Variants in CALCR observed in about 807,000 individuals in gnomAD.
The protein encoded by CALCR is calcitonin receptor.
Under a neutral mutation model 59.5 loss-of-function variants are expected in CALCR, and 47 were observed. That is an observed-to-expected ratio of 0.79 (90% CI 0.63 to 1.01). CALCR has a LOEUF of 1.01. Ranked by LOEUF, CALCR falls within the 50% of genes least tolerant of loss-of-function variation. CALCR has a pLI of 0.00. For missense variants in CALCR, 566 were observed against 597.1 expected, an observed-to-expected ratio of 0.95 and a Z score of 0.54; for synonymous variants, 213 against 211.3, an observed-to-expected ratio of 1.01 and a Z score of -0.07.
At chr7:93,571,693 A>T (rs1359953499) in intron 2 of CALCR, among the ~76,000 whole-genome samples, 4 of 152,210 alleles carry the variant, frequency 2.6e-5, no homozygotes, top group Non-Finnish European at 4.4e-5. Context: ...GAACTTAAAA[A>T]GACCTGGGTT....
chr7:93,548,382 A>G (rs1789350657), intron 2 of CALCR, among the ~76,000 whole-genome samples: 2 of 152,186 alleles, frequency 1.3e-5, no homozygotes, highest in Non-Finnish European at 2.9e-5. Flanking sequence ...TTTCAACAAC[A>G]TTGTAGGAGG....
At chr7:93,472,025 C>T (rs1800562749) in intron 6 of CALCR, among the ~76,000 whole-genome samples, 1 of 151,770 alleles carries the variant, frequency 6.6e-6, no homozygotes, top group Non-Finnish European at 1.5e-5. Context: ...TTTTGAAACT[C>T]TTCCAGGAAA....
At chr7:93,503,207 T>C (rs1023025696) in intron 2 of CALCR, among the ~76,000 whole-genome samples, 1 of 152,106 alleles carries the variant, frequency 6.6e-6, no homozygotes, top group Non-Finnish European at 1.5e-5. Flanking sequence ...TGACCAGGGC[T>C]GATGGAGCAA....
intron 2 of CALCR, among the ~76,000 whole-genome samples, chr7:93,545,389 A>G (rs1789258595): frequency 1.3e-5 from 2 of 152,266 alleles, no homozygotes; most frequent in South Asian, 2.1e-4. Context: ...CTAGATAGAC[A>G]GGCTCAAACA....
chr7:93,454,370 T>C (rs547632737), intron 8 of CALCR, among the ~76,000 whole-genome samples: 1 of 152,178 alleles, frequency 6.6e-6, no homozygotes, highest in Admixed American at 6.6e-5. Context: ...ACTTTACTTA[T>C]ATAAGAGGCT....
At chr7:93,491,518 T>C (rs1052905075) in intron 2 of CALCR, among the ~76,000 whole-genome samples, 2 of 151,774 alleles carry the variant, frequency 1.3e-5, no homozygotes, top group African/African-American at 4.8e-5. Flanking sequence ...CTGACAAAGG[T>C]CTAATATCCA....
intron 2 of CALCR, among the ~76,000 whole-genome samples, chr7:93,567,690 TCCCTCC>T (rs1331731542): frequency 6.6e-6 from 1 of 152,048 alleles, no homozygotes; most frequent in Non-Finnish European, 1.5e-5. Flanking sequence ...TCTGATGCTA[TCCCTCC>T]CCCAGCCCCC....
chr7:93,539,160 A>G (rs1789066604), intron 2 of CALCR, among the ~76,000 whole-genome samples: 1 of 152,120 alleles, frequency 6.6e-6, no homozygotes, highest in African/African-American at 2.4e-5. Context: ...AAAGTCCATT[A>G]AAATCCCTGG....
intron 2 of CALCR, among the ~76,000 whole-genome samples, chr7:93,521,567 T>G (rs1324647102): frequency 1.3e-5 from 2 of 152,160 alleles, no homozygotes; most frequent in African/African-American, 4.8e-5. Context: ...ATTACAGAGC[T>G]ATAAGATCCC....
At chr7:93,483,531 T>C (rs1180808895) in intron 3 of CALCR, among the ~76,000 whole-genome samples, 7 of 147,694 alleles carry the variant, frequency 4.7e-5, no homozygotes, top group Non-Finnish European at 1.0e-4. Flanking sequence ...TATATATAAT[T>C]ACAATCATGG....
intron 9 of CALCR, among the ~76,000 whole-genome samples, chr7:93,443,165 A>T (rs1799944966): frequency 6.6e-6 from 1 of 152,158 alleles, no homozygotes; most frequent in Non-Finnish European, 1.5e-5. Context: ...AGGAATCCTG[A>T]TGATGGATTG....
At chr7:93,490,342 A>G (rs1365551339) in intron 2 of CALCR, among the ~76,000 whole-genome samples, 1 of 151,798 alleles carries the variant, frequency 6.6e-6, no homozygotes, top group African/African-American at 2.4e-5. Flanking sequence ...GAAAACCAGC[A>G]TAGACAAGAA....
At chr7:93,463,893 T>A (rs1350724472) in intron 7 of CALCR, among the ~76,000 whole-genome samples, 1 of 151,964 alleles carries the variant, frequency 6.6e-6, no homozygotes, top group Non-Finnish European at 1.5e-5. Flanking sequence ...GGACAGAACA[T>A]TGCTTATTAT....
chr7:93,526,046 A>G (rs1026173849), intron 2 of CALCR, among the ~76,000 whole-genome samples: 1 of 152,200 alleles, frequency 6.6e-6, no homozygotes, highest in African/African-American at 2.4e-5. Flanking sequence ...GATTGGAATC[A>G]ATGGATATTG....
At chr7:93,468,998 T>C (rs1487552282) in intron 6 of CALCR, among the ~76,000 whole-genome samples, 192 bp from the exon 7 acceptor site, 1 of 151,886 alleles carries the variant, frequency 6.6e-6, no homozygotes, top group Non-Finnish European at 1.5e-5. Flanking sequence ...GAAAATAAAT[T>C]GTCATTTTCA....
At chr7:93,500,659 A>T (rs2115998968) in intron 2 of CALCR, among the ~76,000 whole-genome samples, 1 of 152,020 alleles carries the variant, frequency 6.6e-6, no homozygotes, top group South Asian at 2.1e-4. Context: ...TTATAAATTC[A>T]CTCATCAAAT....
chr7:93,439,074 A>G (rs1273732588), intron 9 of CALCR, among the ~76,000 whole-genome samples: 4 of 152,276 alleles, frequency 2.6e-5, no homozygotes, highest in Admixed American at 1.3e-4. Context: ...ACAACAGTAG[A>G]ATATTGTTTG....
chr7:93,484,729 G>A (rs989952929), intron 3 of CALCR, among the ~76,000 whole-genome samples: 4 of 151,674 alleles, frequency 2.6e-5, no homozygotes, highest in African/African-American at 4.8e-5. Context: ...ACATAGATAA[G>A]TAAACAAGTA....
At chr7:93,569,584 C>T (rs1013440494) in intron 2 of CALCR, among the ~76,000 whole-genome samples, 3 of 152,094 alleles carry the variant, frequency 2.0e-5, no homozygotes, top group African/African-American at 7.2e-5. Flanking sequence ...TGGCATTTCT[C>T]TATTGGAATA....
Sources: gnomAD v4.1 joint callset for allele counts (sites outside exome capture counted in the v4.1 genomes callset) on GRCh38, gnomAD v4.1.1 for gene constraint, MANE v1.5 for transcripts, NCBI Gene and HGNC (gene_info 2026-07-23, HGNC 2026-07-21) for gene names.